The following PPRC1 variants were observed in gnomAD, a reference collection of about 807,000 sequenced individuals.
The protein encoded by PPRC1 is peroxisome proliferator-activated receptor gamma coactivator-related protein 1.
In PPRC1, 23 loss-of-function variants were observed where a neutral mutation model predicts 132.5. The ratio of observed to expected loss-of-function variants is 0.17; its 90% CI spans 0.12 to 0.25. The LOEUF (loss-of-function observed/expected upper bound fraction) is 0.25, where lower values mean the gene tolerates loss of function less well. Ranked by LOEUF, PPRC1 falls within the 10% of genes least tolerant of loss-of-function variation. The pLI is 1.00. For missense variants in PPRC1, 2,006 were observed against 2,089.1 expected, an observed-to-expected ratio of 0.96 and a Z score of 0.78; for synonymous variants, 872 against 833.5, an observed-to-expected ratio of 1.05 and a Z score of -0.80.
intron 2 of PPRC1, among the ~76,000 whole-genome samples, chr10:102,138,408 T>C (rs9971227): frequency 6.6e-6 from 1 of 152,212 alleles, no homozygotes; most frequent in African/African-American, 2.4e-5. Flanking sequence ...AAACCCAAGC[T>C]TGAGTCAAGT....
the PPRC1 span, chr10:102,120,071 G>A: frequency 4.9e-6 from 7 of 1,431,986 alleles, no homozygotes; most frequent in South Asian, 2.7e-5. Flanking sequence ...CCGAGTGGCC[G>A]CACGCCCCAC....
At position 102,144,449 on chromosome 10, in the gene PPRC1, T is replaced by G; in HGVS notation, c.3608+142T>G. On this transcript the variant is annotated intron_variant, in intron 7 of 13. Coordinates refer to ENST00000278070, the MANE Select transcript of PPRC1 (RefSeq NM_015062.5). ...CTTTCCCTGTTTCCCCACCCCTTAC[T>G]CTGCCTATCACTACCGGGCAGTGTC... 3.9e-6 allele frequency: 3 copies of G among 764,512 alleles called. No homozygotes were observed. In the Admixed American group the frequency reaches 7.0e-5, roughly 18 times the overall value. 47.4% of individuals were successfully genotyped at this position (764,512 alleles called of 1,614,324 possible).
At chr10:102,128,682 G>A (rs923107927), upstream of PPRC1, among the ~76,000 whole-genome samples, 2 of 149,044 alleles carry the variant, frequency 1.3e-5, no homozygotes, top group Non-Finnish European at 3.0e-5. Flanking sequence ...GTGCAATCTC[G>A]GCTCACTGCA....
Position 102,133,114 on chromosome 10 carries a change from A to C in PPRC1, c.46A>C (p.Ser16Arg). ...GAGAGACGGAGTCGCGCCGCCCCCG[A>C]GTGGGGGCCCCGGTCCGGACCCTGG... ...GRRDGVAPPPSGGPGPDPGGG... is the reference protein window; with the variant it reads ...GRRDGVAPPPRGGPGPDPGGG... Residue 16 changes from serine (S) to arginine (R), a missense_variant, in exon 1 of 14, where the codon AGT (serine) becomes CGT (arginine). By Grantham distance (110) the Ser-to-Arg change is moderately radical. Transcript: ENST00000278070. 8.0e-7 allele frequency: 1 copy of C among 1,246,034 alleles called. No homozygotes were observed. The highest frequency in any genetic ancestry group is 4.1e-5 in the South Asian group (1 of 24,494). 77.2% of individuals were successfully genotyped at this position (1,246,034 alleles called of 1,614,324 possible).
intron 8 of PPRC1, 79 bp downstream of exon 8, chr10:102,145,169 T>A: frequency 1.5e-6 from 2 of 1,358,978 alleles, no homozygotes; most frequent in Non-Finnish European, 2.1e-6. Flanking sequence ...ATCCATTGTG[T>A]GTAGGCGTTA....
rs764283433 is a variant in PPRC1 at position 102,150,032 on chromosome 10, T to C, written c.*3T>C. On this transcript the variant is annotated 3_prime_UTR_variant, in exon 14 of 14. Coordinates refer to ENST00000278070, the MANE Select transcript of PPRC1 (RefSeq NM_015062.5). The stretch of plus-strand genomic sequence containing the variant: ...CCCAGAAGAACCTCAGGAGGTAACC[T>C]TGGGCCCTTCCCTGCTATCCTTTTT... 3 of 1,600,790 alleles carry C rather than the reference T, an allele frequency of 1.9e-6. No homozygotes were observed. Among genetic ancestry groups the C allele is most frequent in the Admixed American group, 1.7e-5 (1 of 59,962 alleles).
chr10:102,142,449 TC>T (rs1172102124), intron 5 of PPRC1, among the ~76,000 whole-genome samples: 6 of 119,922 alleles, frequency 5.0e-5, no homozygotes, highest in Admixed American at 1.9e-4. Flanking sequence ...GATGGAGTCT[TC>T]CTCTGTCGCC....
chr10:102,131,621 CATA>C (rs1431107107), upstream of PPRC1, among the ~76,000 whole-genome samples: 5 of 152,168 alleles, frequency 3.3e-5, no homozygotes, highest in Non-Finnish European at 5.9e-5. Context: ...GGGTGTTCAT[CATA>C]ATAATATGTA....
At chr10:102,145,382 A>G (rs2069178430) in intron 8 of PPRC1, among the ~76,000 whole-genome samples, 1 of 152,108 alleles carries the variant, frequency 6.6e-6, no homozygotes, top group Admixed American at 6.5e-5. Flanking sequence ...AGCCTGGCCA[A>G]CATGGTGAAA....
intron 6 of PPRC1, 78 bp from the exon 7 acceptor site, chr10:102,144,172 G>A: frequency 4.2e-6 from 6 of 1,418,672 alleles, no homozygotes; most frequent in East Asian, 2.3e-5. Context: ...CCTCCTTTGG[G>A]TCTCAAAGCA....
At chr10:102,142,344 G>A (rs1224084996) in intron 5 of PPRC1, among the ~76,000 whole-genome samples, 2 of 139,894 alleles carry the variant, frequency 1.4e-5, no homozygotes, top group Admixed American at 7.6e-5. Context: ...CTCGTGATCC[G>A]CCTACCTCAG....
upstream of PPRC1, among the ~76,000 whole-genome samples, chr10:102,130,244 A>G (rs551814290): frequency 6.6e-6 from 1 of 151,438 alleles, no homozygotes; most frequent in East Asian, 2.0e-4. Flanking sequence ...GTGAAACCCC[A>G]TCTCTACTAA....
intron 2 of PPRC1, 27 bp downstream of exon 2, chr10:102,138,065 T>G: frequency 6.2e-7 from 1 of 1,602,886 alleles, no homozygotes; most frequent in South Asian, 1.1e-5. Flanking sequence ...CTCTGAAATC[T>G]TCAAGCAGGA....
At chr10:102,149,436 C>A in intron 13 of PPRC1, 107 bp downstream of exon 13, 1 of 1,304,236 alleles carries the variant, frequency 7.7e-7, no homozygotes, top group Non-Finnish European at 1.0e-6. Flanking sequence ...GTTTGACATA[C>A]AAAGAACCCA....
At chr10:102,145,566 CTA>C (rs1491562978) in intron 8 of PPRC1, among the ~76,000 whole-genome samples, 2 of 120,404 alleles carry the variant, frequency 1.7e-5, no homozygotes, top group African/African-American at 3.2e-5. Flanking sequence ...GCAAGACTAT[CTA>C]AAAAAAAAAA....
At chr10:102,120,450 C>T in the PPRC1 span, 35 of 951,708 alleles carry the variant, frequency 3.7e-5, no homozygotes, top group Non-Finnish European at 4.4e-5. Flanking sequence ...CCTCTCCGCC[C>T]TCGCGCTCGC....
the PPRC1 span, chr10:102,120,498 G>A: frequency 1.4e-5 from 7 of 485,620 alleles, no homozygotes; most frequent in Admixed American, 1.9e-4. Context: ...AGCCCAAGCC[G>A]GGCAGGGCCG....
the PPRC1 span, among the ~76,000 whole-genome samples, chr10:102,127,969 G>A: frequency 1.3e-5 from 2 of 152,168 alleles, no homozygotes; most frequent in Non-Finnish European, 2.9e-5. Context: ...GATTACAGGT[G>A]TGAGTTGCCG....
intron 6 of PPRC1, 51 bp from the exon 7 acceptor site, chr10:102,144,199 C>G (rs1344455932): frequency 6.3e-7 from 1 of 1,581,538 alleles, no homozygotes; most frequent in South Asian, 1.1e-5. Flanking sequence ...TCTGTGCCGC[C>G]TCAGTCTAGA....
Sources: gnomAD v4.1 joint callset for allele counts (sites outside exome capture counted in the v4.1 genomes callset) on GRCh38, gnomAD v4.1.1 for gene constraint, MANE v1.5 for transcripts, NCBI Gene and HGNC (gene_info 2026-07-23, HGNC 2026-07-21) for gene names.